Variants in GLS2 observed in about 807,000 individuals in gnomAD.
GLS2 encodes glutaminase 2.
GLS2 carries 52 observed loss-of-function variants against 79.0 expected under a neutral mutation model. The observed-to-expected ratio is 0.66, with a 90% CI of 0.53 to 0.83. The LOEUF is 0.83. GLS2 is among the 40% of genes least tolerant of loss of function. The pLI is 0.00. For missense variants in GLS2, 561 were observed against 764.8 expected, an observed-to-expected ratio of 0.73 and a Z score of 3.14; for synonymous variants, 238 against 280.8, an observed-to-expected ratio of 0.85 and a Z score of 1.52.
rs554954342 is a variant in GLS2 at position 56,484,540 on chromosome 12, G to A, written c.182+3397C>T. 3.6e-4 allele frequency among the ~76,000 whole-genome samples: 55 copies of A among 152,198 alleles called. 2 individuals carry two copies. The highest frequency in any genetic ancestry group is 1.0e-3 in the South Asian group (5 of 4,830). Reference sequence around the variant, plus strand: ...AGTTTTCCTGCTTCTGGGGAAATCCGGTTGTCACAATGAAGCTAATGCCTA... The same window carrying A: ...AGTTTTCCTGCTTCTGGGGAAATCCAGTTGTCACAATGAAGCTAATGCCTA... On this transcript the variant is annotated intron_variant, in intron 1 of 17. Coordinates refer to ENST00000311966, the MANE Select transcript of GLS2 (RefSeq NM_013267.4).
Position 56,488,140 on chromosome 12 carries a change from T to A in GLS2, c.-22A>T. The stretch of plus-strand genomic sequence containing the variant: ...GCATGCCCCAGCAAGCCTCCGGCTC[T>A]GCAGGTGCGCCCGGGACCTCTAGCT... On this transcript the variant is annotated 5_prime_UTR_variant, in exon 1 of 18. Transcript: ENST00000311966. 6.6e-7 allele frequency: 1 copy of A among 1,517,124 alleles called. No homozygotes were observed. The highest frequency in any genetic ancestry group is 1.4e-5 in the African/African-American group (1 of 71,440). The allele number at this position is 1,517,124 out of a possible 1,614,324, so 94.0% of individuals were successfully genotyped here.
intron 7 of GLS2, 21 bp from the exon 8 acceptor site, chr12:56,475,998 G>A: frequency 6.2e-7 from 1 of 1,611,116 alleles, no homozygotes; most frequent in Non-Finnish European, 8.5e-7. Flanking sequence ...AGAGAGAGAT[G>A]TCAGCATTCT....
rs1869402671 is a variant in GLS2, at chr12:56,472,711, C to T, written c.1490G>A (p.Gly497Asp). Reference sequence around the variant, plus strand: ...TTACCTTCGAAGAGCTGAGACATCGCCACTATAGGCAGCAAATAACAGGTT... The same window carrying T: ...TTACCTTCGAAGAGCTGAGACATCGTCACTATAGGCAGCAAATAACAGGTT... ...VVNLLFAAYS[G>D]DVSALRRFAL... The change falls in exon 15 of 18, where the codon GGC (glycine) becomes GAC (aspartate). Residue 497 changes from glycine (G) to aspartate (D), a missense_variant. By Grantham distance (94) the Gly-to-Asp change is moderately conservative. Around this residue, in one of 4 missense-constraint regions of GLS2, gnomAD observed 136 missense variants for 228.6 expected, o/e 0.59. Coordinates refer to ENST00000311966, the MANE Select transcript of GLS2 (RefSeq NM_013267.4). 1 of 1,613,690 alleles carries T rather than the reference C, an allele frequency of 6.2e-7. No individual in the cohort carries two copies. The highest frequency in any genetic ancestry group is 8.5e-7 in the Non-Finnish European group (1 of 1,179,892).
intron 10 of GLS2, 66 bp downstream of exon 10, chr12:56,474,978 C>T: frequency 6.2e-7 from 1 of 1,613,790 alleles, no homozygotes; most frequent in South Asian, 1.1e-5. Context: ...AAGCCCCCAA[C>T]CCCTACTGCC....
intron 1 of GLS2, among the ~76,000 whole-genome samples, chr12:56,482,766 T>C (rs750980589): frequency 6.6e-6 from 1 of 152,238 alleles, no homozygotes; most frequent in Non-Finnish European, 1.5e-5. Context: ...AGAAGAGTTA[T>C]TGTTTTTTTA....
In GLS2 at chr12:56,477,953, T is replaced by G. The variant is rs757652198; in HGVS notation, c.758A>C (p.Lys253Thr). ...GKEPSGLRYNKLSLNEEGIPH... is the reference protein window; with the variant it reads ...GKEPSGLRYNTLSLNEEGIPH... Reference sequence around the variant, plus strand: ...CTCACCTTCCTCATTGAGGGAGAGCTTGTTGTAGCGCAGGCCACTTGGCTC... The same window carrying G: ...CTCACCTTCCTCATTGAGGGAGAGCGTGTTGTAGCGCAGGCCACTTGGCTC... Residue 253 changes from lysine (K) to threonine (T), a missense_variant, in exon 6 of 18, where the codon AAG becomes ACG. By Grantham distance (78) the Lys-to-Thr change is moderately conservative (BLOSUM62 -1). This residue lies in a region of GLS2 where 221 missense variants were observed against 275.6 expected (regional missense o/e 0.80). Transcript: ENST00000311966. 3.7e-6 allele frequency: 6 copies of G among 1,613,616 alleles called. No individual in the cohort carries two copies. The highest frequency in any genetic ancestry group is 1.6e-4 in the Middle Eastern group (1 of 6,082).
At chr12:56,475,841 G>T in intron 8 of GLS2, 104 bp downstream of exon 8, 3 of 1,422,150 alleles carry the variant, frequency 2.1e-6, no homozygotes, top group Non-Finnish European at 3.0e-6. Flanking sequence ...TTCTAGTATG[G>T]GCTGGTGCAC....
At chr12:56,472,660 A>G (rs1412417081) in intron 15 of GLS2, 30 bp downstream of exon 15, 1 of 1,600,116 alleles carries the variant, frequency 6.2e-7, no homozygotes. Context: ...GGAGTATTTT[A>G]TTGTGTATAT....
At chr12:56,472,286 C>A in intron 15 of GLS2, 91 bp from the exon 16 acceptor site, 1 of 1,210,244 alleles carries the variant, frequency 8.3e-7, no homozygotes, top group African/African-American at 1.5e-5. Context: ...GGATGAGTTT[C>A]AGAGAAAGTG....
intron 1 of GLS2, among the ~76,000 whole-genome samples, chr12:56,483,301 G>A (rs1170118460): frequency 3.3e-5 from 5 of 151,442 alleles, no homozygotes; most frequent in Non-Finnish European, 5.9e-5. Context: ...GGCTGGTCTC[G>A]AACTCCTGAC....
Position 56,478,011 on chromosome 12 carries a change from C to T in GLS2, c.700G>A (p.Gly234Ser). ...ACAAACTTGTGCACGTAGTCAGTGC[C>T]TAGGGTGCTTATGGAGATGGCATAG... ...LTYAISISTL[G>S]TDYVHKFVGK... is the part of the protein sequence containing the mutation. The change falls in exon 6 of 18, where the codon GGC (glycine) becomes AGC (serine). Residue 234 changes from glycine (G) to serine (S), a missense_variant. By Grantham distance (56) the Gly-to-Ser change is moderately conservative. Around this residue, in one of 4 missense-constraint regions of GLS2, gnomAD observed 221 missense variants for 275.6 expected, o/e 0.80. Coordinates refer to ENST00000311966, the MANE Select transcript of GLS2 (RefSeq NM_013267.4). The T allele has an allele frequency of 6.2e-7, 1 of 1,614,236 alleles. No homozygotes were observed. Among genetic ancestry groups the T allele is most frequent in the Non-Finnish European group, 8.5e-7 (1 of 1,180,034 alleles).
chr12:56,487,178 G>A (rs546537954), intron 1 of GLS2, among the ~76,000 whole-genome samples: 1 of 152,314 alleles, frequency 6.6e-6, no homozygotes, highest in African/African-American at 2.4e-5. Flanking sequence ...CTGGGTCTCA[G>A]AGAAAAAGGC....
At chr12:56,486,463 T>C (rs1256495274) in intron 1 of GLS2, among the ~76,000 whole-genome samples, 3 of 152,204 alleles carry the variant, frequency 2.0e-5, no homozygotes. Context: ...AGAGGGCTTA[T>C]CCTTTAAATG....
Position 56,471,539 on chromosome 12 carries a change from G to C in GLS2, c.1757C>G (p.Ala586Gly). 6.2e-7 allele frequency: 1 copy of C among 1,614,170 alleles called. No individual in the cohort carries two copies. Among genetic ancestry groups the C allele is most frequent in the South Asian group, 1.1e-5 (1 of 91,082 alleles). ...GGACAGGGCCTCAGCTGCTGCCTCA[G>C]CCTGAGTTTCAGAGAGTGTGTAGGA... ...QDSYTLSETQ[A>G]EAAAEALSKE... The change falls in exon 18 of 18, where the codon GCT becomes GGT. Residue 586 changes from alanine to glycine, a missense_variant. Physicochemically the swap from Ala to Gly is moderately conservative, Grantham distance 60. This residue lies in a region of GLS2 where 136 missense variants were observed against 228.6 expected (regional missense o/e 0.59). Coordinates refer to ENST00000311966, the MANE Select transcript of GLS2 (RefSeq NM_013267.4).
chr12:56,472,367 CATATT>C (rs1041177454), intron 15 of GLS2, 172 bp from the exon 16 acceptor site: 22 of 623,986 alleles, frequency 3.5e-5, no homozygotes, highest in African/African-American at 9.2e-5. Flanking sequence ...CTGTTATACT[CATATT>C]AGAGAGATGG....
rs1166869902 is a variant in GLS2, at chr12:56,471,528, C to G, written c.1768G>C (p.Ala590Pro). 7.4e-6 allele frequency: 12 copies of G among 1,614,038 alleles called. No individual in the cohort carries two copies. In the South Asian group the frequency reaches 1.3e-4, roughly 18 times the overall value. Residue 590 changes from alanine to proline, a missense_variant, in exon 18 of 18, where the codon GCT becomes CCT. Transcript: ENST00000311966. ...TLSETQAEAA[A>P]EALSKENLES... ...AAGTTCTCTTTGGACAGGGCCTCAG[C>G]TGCTGCCTCAGCCTGAGTTTCAGAG...
chr12:56,473,411 A>C, intron 13 of GLS2, 52 bp downstream of exon 13: 1 of 1,603,376 alleles, frequency 6.2e-7, no homozygotes, highest in South Asian at 1.1e-5. Flanking sequence ...TGGTACCATT[A>C]AACAAATTTA....
At chr12:56,479,258 A>G in intron 3 of GLS2, 77 bp from the exon 4 acceptor site, 1 of 1,561,358 alleles carries the variant, frequency 6.4e-7, no homozygotes, top group East Asian at 2.3e-5. Context: ...GGAAATTGGG[A>G]ATAAAGAAGG....
chr12:56,484,135 T>A (rs1445610558), intron 1 of GLS2, among the ~76,000 whole-genome samples: 1 of 152,112 alleles, frequency 6.6e-6, no homozygotes, highest in African/African-American at 2.4e-5. Context: ...CCGGGTGTGG[T>A]GGCGCGCACC....
Sources: allele counts gnomAD v4.1 joint callset (sites outside exome capture counted in the v4.1 genomes callset), GRCh38; gene constraint gnomAD v4.1.1; regional missense constraint gnomAD v4.1.1; transcripts MANE v1.5; gene names NCBI Gene and HGNC (gene_info 2026-07-23, HGNC 2026-07-21).